Variants in PRKN observed in about 807,000 individuals in gnomAD.
The protein encoded by PRKN is parkin RBR E3 ubiquitin protein ligase.
Under a neutral mutation model 59.5 loss-of-function variants are expected in PRKN, and 56 were observed. That is an observed-to-expected ratio of 0.94 (90% CI 0.76 to 1.18). The LOEUF is 1.18. Among genes scored for constraint, PRKN ranks in the 50% most tolerant of loss-of-function variants. The probability of loss-of-function intolerance (pLI) is 0.00; values close to 1 mark genes in which losing one functional copy is unlikely to be tolerated. For synonymous variants in PRKN, 250 were observed against 222.1 expected (o/e 1.13, Z -1.12); for missense variants, 657 against 596.4 (o/e 1.10, Z -1.06).
At chr6:161,806,376 C>T (rs186926913) in intron 6 of PRKN, among the ~76,000 whole-genome samples, 3 of 152,274 alleles carry the variant, frequency 2.0e-5, no homozygotes, top group East Asian at 1.9e-4. Flanking sequence ...TGTTTGGACT[C>T]GAAAGCACCC....
intron 5 of PRKN, among the ~76,000 whole-genome samples, chr6:161,984,149 C>T (rs986786879): frequency 1.4e-4 from 21 of 152,042 alleles, no homozygotes; most frequent in Admixed American, 1.0e-3. Flanking sequence ...AGAACCAAGC[C>T]GGTGCTCAGA....
intron 1 of PRKN, among the ~76,000 whole-genome samples, chr6:162,557,275 T>A (rs1779646879): frequency 6.6e-6 from 1 of 152,168 alleles, no homozygotes; most frequent in Admixed American, 6.5e-5. Context: ...CACCCCACAG[T>A]CATTGCTGCT....
chr6:162,489,077 CCCTT>C (rs58260588), intron 1 of PRKN, among the ~76,000 whole-genome samples: 26 of 150,786 alleles, frequency 1.7e-4, no homozygotes, highest in Admixed American at 1.3e-3. Flanking sequence ...AAGGAGCTCA[CCCTT>C]CCTTCCTTCC....
At chr6:162,145,556 A>C (rs1583100298) in intron 4 of PRKN, among the ~76,000 whole-genome samples, 1 of 152,326 alleles carries the variant, frequency 6.6e-6, no homozygotes, top group East Asian at 1.9e-4. Flanking sequence ...CAGCAAAGCA[A>C]GGAACAAATG....
chr6:161,682,808 TCCC>T (rs1785417958), intron 7 of PRKN, among the ~76,000 whole-genome samples: 1 of 151,964 alleles, frequency 6.6e-6, no homozygotes, highest in South Asian at 2.1e-4. Context: ...TGAAGAACCA[TCCC>T]TGCACCACAC....
At chr6:161,910,975 T>C (rs1778339243) in intron 6 of PRKN, among the ~76,000 whole-genome samples, 1 of 152,210 alleles carries the variant, frequency 6.6e-6, no homozygotes, top group African/African-American at 2.4e-5. Context: ...TACAACATAG[T>C]TAGTTTTAGA....
Position 161,764,146 on chromosome 6 carries a change from T to C in PRKN, c.871+21626A>G, listed in dbSNP as rs137975340. Among the ~76,000 whole-genome samples the C allele has an allele frequency of 3.9e-5, 6 of 152,324 alleles. No homozygotes were observed. The East Asian group carries it at 1.2e-3, about 29-fold the overall frequency. On this transcript the variant is annotated intron_variant, in intron 7 of 11. Transcript: ENST00000366898. ...TTTGCTCTCTCCTGTCTCAAGGTTT[T>C]ACCTCAAGTTGTTCCTTTCTTCCCC...
At chr6:161,682,792 A>G (rs1283115222) in intron 7 of PRKN, among the ~76,000 whole-genome samples, 1 of 152,104 alleles carries the variant, frequency 6.6e-6, no homozygotes, top group Non-Finnish European at 1.5e-5. Flanking sequence ...GAACATGGCC[A>G]CAGCATGAAG....
chr6:161,555,698 C>T lies in PRKN; in HGVS notation c.934-6695G>A, dbSNP rs1447329477. On this transcript the variant is annotated intron_variant, in intron 8 of 11. Transcript: ENST00000366898. ...GTGAGTGCATGAGACCTAAAGTGCT[C>T]CAAGCCCTTTAAACCTTATTACAGA... Among the ~76,000 whole-genome samples the T allele has an allele frequency of 1.3e-5, 2 of 152,118 alleles. 1 individual carries two copies. The highest frequency in any genetic ancestry group is 2.9e-5 in the Non-Finnish European group (2 of 68,032).
chr6:162,559,900 T>A (rs9295193), intron 1 of PRKN, among the ~76,000 whole-genome samples: 46,680 of 151,982 alleles, frequency 0.31, 7,628 homozygotes, highest in East Asian at 0.49. Flanking sequence ...GTCTCTAAGG[T>A]CCTAAATTTT....
intron 2 of PRKN, among the ~76,000 whole-genome samples, chr6:162,430,222 G>C (rs1789448621): frequency 6.6e-6 from 1 of 151,958 alleles, no homozygotes; most frequent in African/African-American, 2.4e-5. Context: ...TGACATCATG[G>C]GGTGTTACAA....
At chr6:161,817,826 A>G (rs908358488) in intron 6 of PRKN, among the ~76,000 whole-genome samples, 8 of 152,186 alleles carry the variant, frequency 5.3e-5, no homozygotes, top group African/African-American at 1.9e-4. Context: ...AATTTCCTCA[A>G]CCCAATATTT....
intron 1 of PRKN, among the ~76,000 whole-genome samples, chr6:162,466,326 T>C (rs1186620335): frequency 6.6e-6 from 1 of 152,220 alleles, no homozygotes; most frequent in Non-Finnish European, 1.5e-5. Flanking sequence ...AGAATAGGCT[T>C]TGTGTGCTAA....
intron 4 of PRKN, among the ~76,000 whole-genome samples, chr6:162,086,319 G>A (rs759226771): frequency 2.6e-5 from 4 of 152,068 alleles, no homozygotes; most frequent in African/African-American, 4.8e-5. Context: ...CAGATTTATT[G>A]TTTTGAAAGC....
In PRKN at chr6:161,824,476, A is replaced by G. The variant is rs147446482; in HGVS notation, c.735-38568T>C. ...GTATTTCCACACTTGAAGTGCAGAAACCTGTAGAAATAAATACTACAGTGA... is the reference window on the plus strand; with the variant it reads ...GTATTTCCACACTTGAAGTGCAGAAGCCTGTAGAAATAAATACTACAGTGA... On this transcript the variant is annotated intron_variant, in intron 6 of 11. Transcript: ENST00000366898. 2.3e-3 allele frequency among the ~76,000 whole-genome samples: 357 copies of G among 152,324 alleles called. 2 individuals carry two copies. The highest frequency in any genetic ancestry group is 8.2e-3 in the African/African-American group (340 of 41,572).
chr6:162,218,891 C>T (rs953296240), intron 3 of PRKN, among the ~76,000 whole-genome samples: 1 of 152,052 alleles, frequency 6.6e-6, no homozygotes, highest in Non-Finnish European at 1.5e-5. Context: ...TTTAGTTACA[C>T]ACCTCGGCAT....
intron 4 of PRKN, among the ~76,000 whole-genome samples, chr6:162,141,465 A>G (rs1781779471): frequency 6.6e-6 from 1 of 152,224 alleles, no homozygotes; most frequent in Non-Finnish European, 1.5e-5. Flanking sequence ...ATTCAGAGAC[A>G]TTCTAGCTCA....
chr6:161,450,255 A>G (rs1789669572), intron 9 of PRKN, among the ~76,000 whole-genome samples: 1 of 152,220 alleles, frequency 6.6e-6, no homozygotes, highest in South Asian at 2.1e-4. Flanking sequence ...GGGACCATCC[A>G]GAGGCATGCA....
In PRKN at chr6:161,529,772, G is replaced by C. The variant is rs1562507039; in HGVS notation, c.1083+19082C>G. On this transcript the variant is annotated intron_variant, in intron 9 of 11. Transcript: ENST00000366898. This position sits in a 1 kb window ranked among gnomAD's most constrained non-coding sequence, Gnocchi z 4.4. ...GTACAACTGATTTTTGTCTCTGGCTGGAAAATTTTTCATGGGTTACACATT... is the reference window on the plus strand; with the variant it reads ...GTACAACTGATTTTTGTCTCTGGCTCGAAAATTTTTCATGGGTTACACATT... 6.6e-6 allele frequency among the ~76,000 whole-genome samples: 1 copy of C among 152,098 alleles called. No homozygotes were observed.
Sources: gnomAD v4.1 joint callset for allele counts (sites outside exome capture counted in the v4.1 genomes callset) on GRCh38, gnomAD v4.1.1 for gene constraint, Gnocchi (gnomAD v3.1) non-coding constraint, MANE v1.5 for transcripts, NCBI Gene and HGNC (gene_info 2026-07-23, HGNC 2026-07-21) for gene names.